The following CDH18 variants were observed in gnomAD, a reference collection of about 807,000 sequenced individuals.
CDH18 encodes the protein cadherin 18.
CDH18 carries 31 observed loss-of-function variants against 67.9 expected under a neutral mutation model. The ratio of observed to expected loss-of-function variants is 0.46; its 90% CI spans 0.34 to 0.62. The LOEUF is 0.62. CDH18 is among the 20% of genes least tolerant of loss of function. The pLI, the probability that CDH18 is intolerant of heterozygous loss-of-function variation, is 0.01. For missense variants in CDH18, 890 were observed against 975.5 expected (o/e 0.91, Z 1.17); for synonymous variants, 362 against 347.2 (o/e 1.04, Z -0.48).
At chr5:20,049,506 G>A (rs1257112071) in intron 2 of CDH18, among the ~76,000 whole-genome samples, 3 of 151,444 alleles carry the variant, frequency 2.0e-5, no homozygotes, top group South Asian at 2.1e-4. Flanking sequence ...ATATTAAAAC[G>A]TACATAAAAT....
chr5:19,688,823 C>G (rs1352192978), intron 5 of CDH18, among the ~76,000 whole-genome samples: 1 of 151,822 alleles, frequency 6.6e-6, no homozygotes, highest in African/African-American at 2.4e-5. Context: ...GTGAGAAATT[C>G]AACAAAGTGA....
chr5:20,241,967 G>C (rs114063989), intron 2 of CDH18, among the ~76,000 whole-genome samples: 2,103 of 149,834 alleles, frequency 0.014, 19 homozygotes, highest in Admixed American at 0.021. Context: ...CTGATTTCTG[G>C]AAAAAATAGG....
At chr5:19,809,200 A>T (rs979571138) in intron 3 of CDH18, among the ~76,000 whole-genome samples, 1 of 152,160 alleles carries the variant, frequency 6.6e-6, no homozygotes, top group Non-Finnish European at 1.5e-5. Flanking sequence ...ACAGTAAGAG[A>T]TAATCCCCAG....
At chr5:20,037,764 A>G (rs1387776918) in intron 2 of CDH18, among the ~76,000 whole-genome samples, 3 of 152,126 alleles carry the variant, frequency 2.0e-5, no homozygotes, top group Admixed American at 2.0e-4. Flanking sequence ...AAGATCTAAA[A>G]TTGACACCCC....
At chr5:19,795,231 C>A (rs753922070) in intron 3 of CDH18, among the ~76,000 whole-genome samples, 6 of 152,108 alleles carry the variant, frequency 3.9e-5, no homozygotes, top group Non-Finnish European at 8.8e-5. Context: ...TCACTAAGAA[C>A]TACTGAGGCA....
intron 2 of CDH18, among the ~76,000 whole-genome samples, chr5:20,220,119 A>G (rs2126443211): frequency 6.6e-6 from 1 of 152,166 alleles, no homozygotes; most frequent in African/African-American, 2.4e-5. Flanking sequence ...TAAGTAGAAA[A>G]AAATCCTAAA....
At chr5:19,597,943 G>A (rs759446170) in intron 6 of CDH18, among the ~76,000 whole-genome samples, 2 of 152,016 alleles carry the variant, frequency 1.3e-5, no homozygotes, top group Non-Finnish European at 2.9e-5. Context: ...GTCGCATATA[G>A]TTCTAGTTTG....
At chr5:20,477,012 A>C (rs1752486784) in intron 1 of CDH18, among the ~76,000 whole-genome samples, 1 of 152,032 alleles carries the variant, frequency 6.6e-6, no homozygotes. Context: ...AATTTCATCG[A>C]GATTACAGAG....
chr5:19,500,758 T>C (rs878877010), intron 11 of CDH18, among the ~76,000 whole-genome samples: 1 of 152,184 alleles, frequency 6.6e-6, no homozygotes, highest in Admixed American at 6.6e-5. Flanking sequence ...ATGTACATAT[T>C]TTTTAGGGGA....
chr5:20,261,292 A>C (rs1744629268), intron 1 of CDH18, among the ~76,000 whole-genome samples: 1 of 152,202 alleles, frequency 6.6e-6, no homozygotes, highest in African/African-American at 2.4e-5. Flanking sequence ...AAATTTTTAG[A>C]AAAAACAAAA....
At chr5:19,976,221 T>G (rs886853067) in intron 2 of CDH18, among the ~76,000 whole-genome samples, 10 of 152,294 alleles carry the variant, frequency 6.6e-5, no homozygotes, top group Admixed American at 4.6e-4. Flanking sequence ...GAAGAAAAAC[T>G]ATTTTAAATT....
At chr5:20,332,673 C>A (rs926545316) in intron 1 of CDH18, among the ~76,000 whole-genome samples, 2 of 152,082 alleles carry the variant, frequency 1.3e-5, no homozygotes, top group African/African-American at 4.8e-5. Context: ...TCATTAAATT[C>A]CTAGATTAAC....
chr5:19,652,281 G>C (rs148707740), intron 5 of CDH18, among the ~76,000 whole-genome samples: 2 of 152,016 alleles, frequency 1.3e-5, no homozygotes, highest in Non-Finnish European at 2.9e-5. Flanking sequence ...CAGACCTAGT[G>C]CTATGAGAGA....
chr5:20,043,838 G>A (rs1042214430), intron 2 of CDH18, among the ~76,000 whole-genome samples: 2 of 152,082 alleles, frequency 1.3e-5, no homozygotes, highest in African/African-American at 4.8e-5. Flanking sequence ...AATCAGAATG[G>A]TTTAGCTTTG....
chr5:19,683,546 C>T (rs886744644), intron 5 of CDH18, among the ~76,000 whole-genome samples: 1 of 151,970 alleles, frequency 6.6e-6, no homozygotes, highest in African/African-American at 2.4e-5. Context: ...TTTAAAATTC[C>T]ACTTTTCAAC....
At chr5:19,800,713 A>C (rs1420751309) in intron 3 of CDH18, among the ~76,000 whole-genome samples, 1 of 152,206 alleles carries the variant, frequency 6.6e-6, no homozygotes, top group Non-Finnish European at 1.5e-5. Context: ...AAGATAAAAT[A>C]GACTCTGGTT....
chr5:19,933,539 T>C (rs10074492), intron 2 of CDH18, among the ~76,000 whole-genome samples: 16,172 of 151,514 alleles, frequency 0.11, 2,473 homozygotes, highest in African/African-American at 0.34. Flanking sequence ...GAGTTACCTA[T>C]ATTTAGTATC....
rs115983008 is a variant in CDH18 at position 20,449,502 on chromosome 5, A to T, written c.-580+125960T>A. On this transcript the variant is annotated intron_variant, in intron 1 of 14. Transcript: ENST00000507958. Reference sequence around the variant, plus strand: ...ATAAATTGTGTTTCAATTTAATAACATCTCCCACAATATGGATTGATAGAT... The same window carrying T: ...ATAAATTGTGTTTCAATTTAATAACTTCTCCCACAATATGGATTGATAGAT... Among the ~76,000 whole-genome samples the T allele has an allele frequency of 7.8e-3, 1,183 of 152,206 alleles. 12 individuals carry two copies. The highest frequency in any genetic ancestry group is 0.027 in the African/African-American group (1,115 of 41,570).
At chr5:19,764,931 G>A (rs1461729164) in intron 3 of CDH18, among the ~76,000 whole-genome samples, 7 of 152,014 alleles carry the variant, frequency 4.6e-5, no homozygotes, top group Non-Finnish European at 7.4e-5. Context: ...CCTTAATTTG[G>A]CTATAATTAC....
Sources: gnomAD v4.1 joint callset for allele counts (sites outside exome capture counted in the v4.1 genomes callset) on GRCh38, gnomAD v4.1.1 for gene constraint, MANE v1.5 for transcripts, NCBI Gene and HGNC (gene_info 2026-07-23, HGNC 2026-07-21) for gene names.